BRINP2: variants seen among roughly 807,000 people sequenced by gnomAD.
The protein encoded by BRINP2 is BMP/retinoic acid inducible neural specific 2, also known as BMP/retinoic acid-inducible neural-specific protein 2.
Under a neutral mutation model 69.2 loss-of-function variants are expected in BRINP2, and 21 were observed. That is an observed-to-expected ratio of 0.30 (90% CI 0.22 to 0.44). BRINP2 has a LOEUF of 0.44. Ranked by LOEUF, BRINP2 falls within the 20% of genes least tolerant of loss-of-function variation. BRINP2 has a pLI of 1.00. For synonymous variants in BRINP2, 380 were observed against 394.1 expected (o/e 0.96, Z 0.42); for missense variants, 877 against 986.0 (o/e 0.89, Z 1.48).
intron 2 of BRINP2, among the ~76,000 whole-genome samples, chr1:177,248,950 G>A (rs1380606173): frequency 6.6e-6 from 1 of 152,132 alleles, no homozygotes; most frequent in Non-Finnish European, 1.5e-5. Context: ...GATCTGGCAT[G>A]GCTATGGTTC....
At chr1:177,242,120 C>T (rs550492532) in intron 2 of BRINP2, among the ~76,000 whole-genome samples, 1 of 152,308 alleles carries the variant, frequency 6.6e-6, no homozygotes, top group East Asian at 1.9e-4. Flanking sequence ...CCTGCCTCTT[C>T]TCTATTCTCT....
intron 2 of BRINP2, among the ~76,000 whole-genome samples, chr1:177,230,635 T>C (rs1325710243): frequency 6.6e-6 from 1 of 152,200 alleles, no homozygotes; most frequent in African/African-American, 2.4e-5. Context: ...CTTACCCTTG[T>C]CAACACCCCA....
intron 2 of BRINP2, among the ~76,000 whole-genome samples, chr1:177,250,727 A>C (rs1650554309): frequency 6.6e-6 from 1 of 152,288 alleles, no homozygotes; most frequent in South Asian, 2.1e-4. Context: ...CTCTCTCCCC[A>C]CATGCACACA....
chr1:177,256,727 C>T (rs764202917), intron 3 of BRINP2: 45 of 1,079,596 alleles, frequency 4.2e-5, no homozygotes, highest in Non-Finnish European at 5.0e-5. Flanking sequence ...CTAAAACAAG[C>T]TCTCCCAGGG....
chr1:177,240,686 T>A (rs1038695418), intron 2 of BRINP2, among the ~76,000 whole-genome samples: 2 of 152,268 alleles, frequency 1.3e-5, no homozygotes, highest in East Asian at 3.9e-4. Context: ...TGTGTGCATG[T>A]TGGTGCCTAC....
intron 2 of BRINP2, among the ~76,000 whole-genome samples, chr1:177,253,868 A>G (rs1650665469): frequency 6.6e-6 from 1 of 152,082 alleles, no homozygotes; most frequent in South Asian, 2.1e-4. Flanking sequence ...ATGCAACTCT[A>G]TCATTTGCAT....
intron 2 of BRINP2, among the ~76,000 whole-genome samples, chr1:177,242,326 A>G (rs1331048118): frequency 6.6e-6 from 1 of 152,134 alleles, no homozygotes; most frequent in East Asian, 1.9e-4. Context: ...TCACTTCCAA[A>G]TCCATTCATT....
intron 1 of BRINP2, 75 bp from the exon 2 acceptor site, chr1:177,229,726 C>T (rs764791196): frequency 2.7e-6 from 3 of 1,102,762 alleles, no homozygotes; most frequent in East Asian, 5.6e-5. Flanking sequence ...TGGGCCCAAC[C>T]CAATTATGTG....
chr1:177,225,055 A>C (rs1649657931), intron 1 of BRINP2, among the ~76,000 whole-genome samples: 2 of 152,234 alleles, frequency 1.3e-5, no homozygotes, highest in South Asian at 4.1e-4. Context: ...TGCCTAGCAT[A>C]AATGGATATT....
chr1:177,280,739 G>A lies in BRINP2; in HGVS notation c.1563G>A (p.Gln521=). Residue 521 remains glutamine (Q), a synonymous_variant, in exon 8 of 8, where the codon CAG becomes CAA. Coordinates refer to ENST00000361539, the MANE Select transcript of BRINP2 (RefSeq NM_021165.4). ...DLELKYLLQK[Q]DSRIEVHSIF... ...AGCTAAAGTACCTGCTGCAGAAGCAGGATAGCCGCATTGAGGTACACTCCA... is the reference window on the plus strand; with the variant it reads ...AGCTAAAGTACCTGCTGCAGAAGCAAGATAGCCGCATTGAGGTACACTCCA... 6.2e-7 allele frequency: 1 copy of A among 1,614,220 alleles called. No individual in the cohort carries two copies. The highest frequency in any genetic ancestry group is 8.5e-7 in the Non-Finnish European group (1 of 1,180,034).
intron 2 of BRINP2, among the ~76,000 whole-genome samples, chr1:177,253,477 C>T (rs530566986): frequency 4.1e-4 from 62 of 152,200 alleles, no homozygotes; most frequent in African/African-American, 1.4e-3. Context: ...ATATTTTCTT[C>T]AGTTCTGTAG....
intron 1 of BRINP2, among the ~76,000 whole-genome samples, chr1:177,207,513 A>G (rs1271317836): frequency 1.3e-5 from 2 of 152,112 alleles, no homozygotes; most frequent in Admixed American, 6.5e-5. Flanking sequence ...TTGTCAGAGG[A>G]GTGGGGTGCA....
chr1:177,278,456 C>A, intron 6 of BRINP2, 107 bp from the exon 7 acceptor site: 1 of 1,012,274 alleles, frequency 9.9e-7, no homozygotes, highest in Non-Finnish European at 1.5e-6. Context: ...AGCCTCCTTT[C>A]TCATGCAGTA....
intron 2 of BRINP2, among the ~76,000 whole-genome samples, chr1:177,247,956 C>T (rs1201956645): frequency 3.3e-5 from 5 of 151,944 alleles, no homozygotes; most frequent in African/African-American, 7.3e-5. Flanking sequence ...AGGGGTGCCA[C>T]GGTGGAGGGG....
At chr1:177,180,645 C>G (rs1648218252) in intron 1 of BRINP2, among the ~76,000 whole-genome samples, 1 of 152,112 alleles carries the variant, frequency 6.6e-6, no homozygotes, top group Non-Finnish European at 1.5e-5. Flanking sequence ...AAGGGGAGCT[C>G]TCTCGTTGGA....
intron 2 of BRINP2, among the ~76,000 whole-genome samples, chr1:177,244,691 G>C (rs368192509): frequency 2.4e-4 from 37 of 152,030 alleles, no homozygotes; most frequent in African/African-American, 8.4e-4. Context: ...AGGTTCGCCG[G>C]GTTAGCTTTG....
intron 1 of BRINP2, among the ~76,000 whole-genome samples, chr1:177,184,907 A>C (rs763431485): frequency 6.6e-6 from 1 of 152,180 alleles, no homozygotes; most frequent in East Asian, 1.9e-4. Flanking sequence ...AGTGGTTCTC[A>C]AAATGCAATG....
chr1:177,218,122 TTTGTCA>T (rs1300323098), intron 1 of BRINP2, among the ~76,000 whole-genome samples: 1 of 152,118 alleles, frequency 6.6e-6, no homozygotes, highest in Non-Finnish European at 1.5e-5. Flanking sequence ...GTGCCTGCTT[TTTGTCA>T]GTATTTGCTA....
chr1:177,227,913 G>A (rs1224203464), intron 1 of BRINP2, among the ~76,000 whole-genome samples: 2 of 152,134 alleles, frequency 1.3e-5, no homozygotes, highest in Non-Finnish European at 2.9e-5. Context: ...TGAAGATCTG[G>A]TAGGGCAGGA....
Sources: allele counts gnomAD v4.1 joint callset (sites outside exome capture counted in the v4.1 genomes callset), GRCh38; gene constraint gnomAD v4.1.1; transcripts MANE v1.5; gene names NCBI Gene and HGNC (gene_info 2026-07-23, HGNC 2026-07-21).